The following DRC10 variants were observed in gnomAD, a reference collection of about 807,000 sequenced individuals.
The protein encoded by DRC10 is dynein regulatory complex subunit 10.
chr12:113,203,985 A>T, the DRC10 span, among the ~76,000 whole-genome samples: 7 of 152,062 alleles, frequency 4.6e-5, no homozygotes, highest in Non-Finnish European at 1.0e-4. Context: ...ATGTGCCTGT[A>T]GTCACAGCTA....
At chr12:113,197,377 C>T in the DRC10 span, among the ~76,000 whole-genome samples, 1 of 151,962 alleles carries the variant, frequency 6.6e-6, no homozygotes, top group African/African-American at 2.4e-5. Context: ...TCTCACTCTG[C>T]CCCAGGCTGG....
At chr12:113,207,463 T>C in the DRC10 span, 1 of 1,613,322 alleles carries the variant, frequency 6.2e-7, no homozygotes, top group African/African-American at 1.3e-5. Context: ...CTTCATTCTC[T>C]CCGCCAATTC....
At chr12:113,215,716 G>T in the DRC10 span, among the ~76,000 whole-genome samples, 1 of 152,148 alleles carries the variant, frequency 6.6e-6, no homozygotes, top group South Asian at 2.1e-4. Context: ...TTATATCTAA[G>T]TGTAGACAGC....
chr12:113,203,599 C>T, the DRC10 span, among the ~76,000 whole-genome samples: 18 of 151,808 alleles, frequency 1.2e-4, no homozygotes, highest in South Asian at 3.7e-3. Flanking sequence ...CCTCAGCCTC[C>T]CGAGTAGCTG....
the DRC10 span, chr12:113,200,467 G>T: frequency 2.3e-6 from 2 of 873,826 alleles, no homozygotes; most frequent in Non-Finnish European, 3.7e-6. Flanking sequence ...CTGAGTAGCT[G>T]GTGCAGTCCT....
chr12:113,195,908 CT>C, the DRC10 span: 1 of 1,581,448 alleles, frequency 6.3e-7, no homozygotes, highest in South Asian at 1.2e-5. Flanking sequence ...AGGGGTGGGG[CT>C]GGGGTCACCA....
the DRC10 span, among the ~76,000 whole-genome samples, chr12:113,201,188 G>A: frequency 6.6e-6 from 1 of 151,994 alleles, no homozygotes; most frequent in South Asian, 2.1e-4. Context: ...CCAGAGGCTG[G>A]CACCACTGCA....
chr12:113,200,716 G>A, the DRC10 span: 2 of 1,536,218 alleles, frequency 1.3e-6, no homozygotes, highest in Non-Finnish European at 8.7e-7. Flanking sequence ...CTGCTTCTCA[G>A]CCTCCTGCTT....
the DRC10 span, among the ~76,000 whole-genome samples, chr12:113,215,045 C>T: frequency 5.3e-5 from 8 of 152,148 alleles, no homozygotes; most frequent in African/African-American, 1.4e-4. Flanking sequence ...AGACAGAGGA[C>T]ATGGGATAGT....
At chr12:113,200,871 G>T in the DRC10 span, 2 of 1,317,146 alleles carry the variant, frequency 1.5e-6, no homozygotes, top group Non-Finnish European at 2.0e-6. Flanking sequence ...GGGCACAGTG[G>T]CTCACGCCTG....
the DRC10 span, among the ~76,000 whole-genome samples, chr12:113,219,662 CAA>C: frequency 6.6e-6 from 1 of 151,776 alleles, no homozygotes; most frequent in African/African-American, 2.4e-5. Flanking sequence ...TTTTGAACCT[CAA>C]AGTTTTTTTT....
chr12:113,211,909 A>G, the DRC10 span, among the ~76,000 whole-genome samples: 1 of 151,760 alleles, frequency 6.6e-6, no homozygotes, highest in African/African-American at 2.4e-5. Context: ...AAAAGTTAAA[A>G]AAAAAATTAG....
chr12:113,220,629 C>CCGAGGAA, the DRC10 span, among the ~76,000 whole-genome samples: 2 of 152,182 alleles, frequency 1.3e-5, no homozygotes, highest in Non-Finnish European at 1.5e-5. Context: ...TGCCTGCTCA[C>CCGAGGAA]CGAGGAACGT....
At chr12:113,210,489 C>A in the DRC10 span, among the ~76,000 whole-genome samples, 2 of 151,934 alleles carry the variant, frequency 1.3e-5, no homozygotes, top group Non-Finnish European at 2.9e-5. Flanking sequence ...TGGCCAAGCA[C>A]AGGGGCTCAC....
the DRC10 span, chr12:113,207,787 A>C: frequency 6.2e-7 from 1 of 1,614,080 alleles, no homozygotes; most frequent in Non-Finnish European, 8.5e-7. Context: ...GCGGTCTCTG[A>C]GCCACCCTTC....
the DRC10 span, chr12:113,207,497 G>T: frequency 2.5e-6 from 4 of 1,613,948 alleles, no homozygotes; most frequent in Non-Finnish European, 3.4e-6. Context: ...TCAATGATTT[G>T]TTGGTTATTA....
chr12:113,211,058 A>C, the DRC10 span, among the ~76,000 whole-genome samples: 4 of 152,252 alleles, frequency 2.6e-5, no homozygotes, highest in African/African-American at 9.6e-5. Context: ...CAATGAGCTC[A>C]CTTTTAAACT....
chr12:113,213,060 A>C, the DRC10 span, among the ~76,000 whole-genome samples: 2 of 151,230 alleles, frequency 1.3e-5, no homozygotes, highest in African/African-American at 2.4e-5. Context: ...TATTTTGAGG[A>C]AAAAAAAGAT....
At chr12:113,195,886 C>A in the DRC10 span, 2 of 1,601,754 alleles carry the variant, frequency 1.2e-6, no homozygotes, top group East Asian at 2.2e-5. Flanking sequence ...TCCTCCAACT[C>A]CTCCTGGGGT....
Sources: gnomAD v4.1 joint callset for allele counts (sites outside exome capture counted in the v4.1 genomes callset) on GRCh38, gnomAD v4.1.1 for gene constraint, MANE v1.5 for transcripts, NCBI Gene and HGNC (gene_info 2026-07-23, HGNC 2026-07-21) for gene names.